The following ASF1A variants were observed in gnomAD, a reference collection of about 807,000 sequenced individuals.
ASF1A encodes histone chaperone ASF1A.
In ASF1A, 5 loss-of-function variants were observed where a neutral mutation model predicts 22.0. The observed-to-expected ratio is 0.23, with a 90% CI of 0.12 to 0.48. The LOEUF (loss-of-function observed/expected upper bound fraction) is 0.48, where lower values mean the gene tolerates loss of function less well. ASF1A is among the 20% of genes least tolerant of loss of function. The pLI is 0.99. For missense variants in ASF1A, 137 were observed against 240.6 expected (o/e 0.57, Z 2.85); for synonymous variants, 97 against 86.7 (o/e 1.12, Z -0.66).
chr6:118,907,553 G>T lies in ASF1A; in HGVS notation c.554G>T (p.Gly185Val). ...STDALPSASK[G>V]WSTSENSLNV... ...GATGCATTACCTTCAGCATCAAAGG[G>T]ATGGTCCACATCAGAAAACTCACTA... The change falls in exon 4 of 4, where the codon GGA becomes GTA. Residue 185 changes from glycine to valine, a missense_variant. Around this residue, in one of 2 missense-constraint regions of ASF1A, gnomAD observed 41 missense variants for 43.9 expected, o/e 0.93. Transcript: ENST00000229595. 1 of 1,613,668 alleles carries T rather than the reference G, an allele frequency of 6.2e-7. No individual in the cohort carries two copies. Among genetic ancestry groups the T allele is most frequent in the Non-Finnish European group, 8.5e-7 (1 of 1,179,694 alleles).
chr6:118,894,883 G>T (rs1299705800), intron 1 of ASF1A, among the ~76,000 whole-genome samples: 1 of 152,190 alleles, frequency 6.6e-6, no homozygotes, highest in African/African-American at 2.4e-5. Flanking sequence ...CGACCCTCCG[G>T]GCCCGAGCAC....
chr6:118,896,022 T>G (rs909068204), intron 1 of ASF1A, among the ~76,000 whole-genome samples: 1 of 150,510 alleles, frequency 6.6e-6, no homozygotes, highest in African/African-American at 2.5e-5. Context: ...TCACAATTAT[T>G]ACTTTAACAT....
chr6:118,905,127 C>T (rs1780086834), intron 2 of ASF1A, among the ~76,000 whole-genome samples: 1 of 152,200 alleles, frequency 6.6e-6, no homozygotes, highest in Admixed American at 6.5e-5. Flanking sequence ...TAAGCAACCA[C>T]ACCCAACCTC....
intron 3 of ASF1A, among the ~76,000 whole-genome samples, chr6:118,906,520 TTG>T (rs1172014389): frequency 6.6e-6 from 1 of 152,222 alleles, no homozygotes; most frequent in Non-Finnish European, 1.5e-5. Flanking sequence ...GATGATATTT[TTG>T]TGTGTAACTC....
rs1335497343 is a variant in ASF1A at position 118,903,732 on chromosome 6, CA to C, written c.226-1919del. Among the ~76,000 whole-genome samples, 4 of 152,230 alleles carry C rather than the reference CA, an allele frequency of 2.6e-5. No homozygotes were observed. In the East Asian group the frequency reaches 7.7e-4, roughly 29 times the overall value. ...CCAAGGGAACAGTATGTTAGAAGCA[CA>C]GGGGGTGAAGTATTTCTTTTTTAAA... On this transcript the variant is annotated intron_variant, in intron 2 of 3. Transcript: ENST00000229595.
Position 118,908,191 on chromosome 6 carries a change from G to C in ASF1A, c.*577G>C, listed in dbSNP as rs1780302491. 6.6e-6 allele frequency: 1 copy of C among 152,080 alleles called. No homozygotes were observed. 9.4% of individuals were successfully genotyped at this position (152,080 alleles called of 1,614,324 possible). ...CTACTATTATAGTTCATGAGATGTT[G>C]GACAGCATTTGGTTTGTTTGGTAAG... On this transcript the variant is annotated 3_prime_UTR_variant, in exon 4 of 4. Coordinates refer to ENST00000229595, the MANE Select transcript of ASF1A (RefSeq NM_014034.3).
intron 1 of ASF1A, among the ~76,000 whole-genome samples, chr6:118,900,125 G>A (rs943167934): frequency 3.5e-4 from 53 of 152,308 alleles, no homozygotes; most frequent in African/African-American, 1.3e-3. Context: ...GTGGTGTAAA[G>A]ATCTTGGTTT....
chr6:118,905,376 A>T (rs1355469217), intron 2 of ASF1A, among the ~76,000 whole-genome samples: 1 of 152,238 alleles, frequency 6.6e-6, no homozygotes, highest in Non-Finnish European at 1.5e-5. Flanking sequence ...TCCTTTCATG[A>T]ACCACCATGC....
chr6:118,894,510 G>C lies in ASF1A; in HGVS notation c.97G>C (p.Asp33His), dbSNP rs1779205619. The C allele has an allele frequency of 6.5e-7, 1 of 1,537,122 alleles. No individual in the cohort carries two copies. The highest frequency in any genetic ancestry group is 2.4e-5 in the East Asian group (1 of 40,906). ...CGAGATCACCTTCGAGTGCATCGAGGACCTGTCTGAAGGTGAGTGCGGCGC... is the reference window on the plus strand; with the variant it reads ...CGAGATCACCTTCGAGTGCATCGAGCACCTGTCTGAAGGTGAGTGCGGCGC... Reference protein sequence around the residue: ...QFEITFECIEDLSEDLEWKII... With the variant: ...QFEITFECIEHLSEDLEWKII... The change falls in exon 1 of 4, where the codon GAC becomes CAC. Residue 33 changes from aspartate (D) to histidine (H), a missense_variant. Asp to His is a moderately conservative substitution (Grantham distance 81). Transcript: ENST00000229595.
At chr6:118,901,702 AC>A (rs1234879481) in intron 2 of ASF1A, among the ~76,000 whole-genome samples, 1 of 152,218 alleles carries the variant, frequency 6.6e-6, no homozygotes, top group African/African-American at 2.4e-5. Flanking sequence ...TTTGTAATAG[AC>A]CAAAGAGTAA....
intron 3 of ASF1A, among the ~76,000 whole-genome samples, chr6:118,907,118 C>T (rs1253973426): frequency 6.6e-6 from 1 of 152,122 alleles, no homozygotes; most frequent in East Asian, 1.9e-4. Context: ...GAGATTCTTT[C>T]TTTTAGAAAA....
chr6:118,894,359 A>C lies in ASF1A; in HGVS notation c.-55A>C. 5.2e-6 allele frequency: 8 copies of C among 1,533,150 alleles called. No homozygotes were observed. The highest frequency in any genetic ancestry group is 7.0e-6 in the Non-Finnish European group (8 of 1,144,672). The allele number at this position is 1,533,150 out of a possible 1,614,324, so 95.0% of individuals were successfully genotyped here. ...GCTCTCCCGAGCGGCCGCGCGCTGG[A>C]CTTTATTGTGCCGCAACCAGCCCCA... On this transcript the variant is annotated 5_prime_UTR_variant, in exon 1 of 4. Transcript: ENST00000229595.
intron 3 of ASF1A, among the ~76,000 whole-genome samples, chr6:118,907,183 C>T (rs1048044766): frequency 3.3e-5 from 5 of 152,082 alleles, no homozygotes; most frequent in Admixed American, 6.6e-5. Flanking sequence ...TCAGATTCTC[C>T]GTATCTTGTT....
chr6:118,903,852 G>T (rs1481416649), intron 2 of ASF1A, among the ~76,000 whole-genome samples: 1 of 152,114 alleles, frequency 6.6e-6, no homozygotes, highest in Non-Finnish European at 1.5e-5. Flanking sequence ...CTCCCAAAGT[G>T]CTAGGATTAC....
Position 118,907,599 on chromosome 6 carries a change from C to T in ASF1A, c.600C>T (p.His200=), listed in dbSNP as rs923010143. The change falls in exon 4 of 4, where the codon CAC becomes CAT. Residue 200 remains histidine, a synonymous_variant. Transcript: ENST00000229595. The stretch of plus-strand genomic sequence containing the variant: ...CACTAAATGTCATGTTAGAATCCCA[C>T]ATGGACTGCATGTGACCACCTACCA... The part of the protein sequence containing the change: ...ENSLNVMLES[H]MDCM The T allele has an allele frequency of 3.7e-6, 6 of 1,613,144 alleles. No homozygotes were observed. The highest frequency in any genetic ancestry group is 2.2e-5 in the East Asian group (1 of 44,832).
At chr6:118,906,855 T>C (rs1780215005) in intron 3 of ASF1A, among the ~76,000 whole-genome samples, 2 of 152,204 alleles carry the variant, frequency 1.3e-5, no homozygotes, top group South Asian at 4.1e-4. Context: ...TTCTTTCTGA[T>C]AATAAGGCCG....
At chr6:118,905,856 T>C (rs776284455) in intron 3 of ASF1A, 28 bp downstream of exon 3, 2 of 1,496,700 alleles carry the variant, frequency 1.3e-6, no homozygotes, top group Non-Finnish European at 1.8e-6. Flanking sequence ...CCTTTTTAAC[T>C]ACTTTTACTA....
At position 118,905,728 on chromosome 6, in the gene ASF1A, A is replaced by C; in HGVS notation, c.302A>C (p.Tyr101Ser). 6.2e-7 allele frequency: 1 copy of C among 1,613,526 alleles called. No individual in the cohort carries two copies. The highest frequency in any genetic ancestry group is 2.2e-5 in the East Asian group (1 of 44,868). The change falls in exon 3 of 4, where the codon TAT becomes TCT. Residue 101 changes from tyrosine (Y) to serine (S), a missense_variant. This residue lies in a region of ASF1A where 96 missense variants were observed against 196.7 expected (regional missense o/e 0.49). Transcript: ENST00000229595. ...GVTVVLITCTYRGQEFIRVGY... is the reference protein window; with the variant it reads ...GVTVVLITCTSRGQEFIRVGY... ...ACTGTTGTGCTAATTACTTGTACCT[A>C]TCGAGGACAAGAATTTATTAGAGTT...
At chr6:118,900,943 T>C (rs1779761601) in intron 2 of ASF1A, 62 bp downstream of exon 2, 1 of 1,158,848 alleles carries the variant, frequency 8.6e-7, no homozygotes, top group Non-Finnish European at 1.3e-6. Flanking sequence ...ATATTATCTA[T>C]TATCTTATAA....
Sources: gnomAD v4.1 joint callset for allele counts (sites outside exome capture counted in the v4.1 genomes callset) on GRCh38, gnomAD v4.1.1 for gene constraint, gnomAD v4.1.1 regional missense constraint, MANE v1.5 for transcripts, NCBI Gene and HGNC (gene_info 2026-07-23, HGNC 2026-07-21) for gene names.